Variants in CYLD observed in about 807,000 individuals in gnomAD.
The protein encoded by CYLD is ubiquitin carboxyl-terminal hydrolase CYLD.
In CYLD, 26 loss-of-function variants were observed where a neutral mutation model predicts 104.5. That is an observed-to-expected ratio of 0.25 (90% CI 0.18 to 0.35). CYLD has a LOEUF of 0.35. CYLD is among the 10% of genes least tolerant of loss of function. CYLD has a pLI of 1.00. For synonymous variants in CYLD, 385 were observed against 399.9 expected (o/e 0.96, Z 0.45); for missense variants, 703 against 1,136.1 (o/e 0.62, Z 5.48).
Position 50,796,918 on chromosome 16 carries a change from C to T in CYLD, c.*410C>T, listed in dbSNP as rs556456455. 20 of 309,706 alleles carry T rather than the reference C, an allele frequency of 6.5e-5. No homozygotes were observed. In the South Asian group the frequency reaches 6.6e-4, roughly 10 times the overall value. The allele number at this position is 309,706 out of a possible 1,614,324, so 19.2% of individuals were successfully genotyped here. ...GAAATCATTTTTCTTTTGTAGCTAA[C>T]GGTTGCCTTGAGGAAGAAATAATTT... is the stretch of plus-strand genomic sequence containing the variant. On this transcript the variant is annotated 3_prime_UTR_variant, in exon 19 of 19. Coordinates refer to ENST00000427738, the MANE Select transcript of CYLD (RefSeq NM_001378743.1).
chr16:50,749,274 C>T (rs1966440082), intron 2 of CYLD, among the ~76,000 whole-genome samples: 1 of 152,112 alleles, frequency 6.6e-6, no homozygotes, highest in Non-Finnish European at 1.5e-5. Flanking sequence ...AAAGTTTTTA[C>T]TAGAATCTGA....
chr16:50,754,204 A>G (rs1325559634), intron 4 of CYLD, 115 bp from the exon 5 acceptor site: 2 of 746,444 alleles, frequency 2.7e-6, no homozygotes, highest in Non-Finnish European at 4.7e-6. Context: ...CTTTTAGGTA[A>G]AATTGTTAAC....
At position 50,791,703 on chromosome 16, in the gene CYLD, C is replaced by A; in HGVS notation, c.2241+13C>A. 1 of 1,612,640 alleles carries A rather than the reference C, an allele frequency of 6.2e-7. No homozygotes were observed. Among genetic ancestry groups the A allele is most frequent in the Non-Finnish European group, 8.5e-7 (1 of 1,178,852 alleles). On this transcript the variant is annotated intron_variant, in intron 15 of 18. Transcript: ENST00000427738. ...GAAATTTGCAGAGGTTAGTGATACT[C>A]ACCTGTGGTATTTTATGTGAAAGTC...
chr16:50,784,428 A>G lies in CYLD; in HGVS notation c.1926A>G (p.Thr642=). The change falls in exon 12 of 19, where the codon ACA becomes ACG. Residue 642 remains threonine, a synonymous_variant. Transcript: ENST00000427738. The stretch of plus-strand genomic sequence containing the variant: ...GTGAAACCCAAGAGCTACTGAGGAC[A>G]GAAATTGTTAATCCTCTGAGAATGT... ...YYSETQELLR[T]EIVNPLRIYG... 6.2e-7 allele frequency: 1 copy of G among 1,613,348 alleles called. No individual in the cohort carries two copies. Among genetic ancestry groups the G allele is most frequent in the South Asian group, 1.1e-5 (1 of 91,080 alleles).
chr16:50,776,248 C>T lies in CYLD; in HGVS notation c.992C>T (p.Ser331Leu), dbSNP rs1231850997. 1.2e-6 allele frequency: 2 copies of T among 1,613,254 alleles called. No individual in the cohort carries two copies. The highest frequency in any genetic ancestry group is 1.1e-5 in the South Asian group (1 of 91,070). The stretch of plus-strand genomic sequence containing the variant: ...TCAAGAGGTGTTGGGGACAAAGGTT[C>T]ATCCAGTCATAATAAACCAAAGGCT... Reference protein sequence around the residue: ...FMSRGVGDKGSSSHNKPKATG... With the variant: ...FMSRGVGDKGLSSHNKPKATG... The change falls in exon 7 of 19, where the codon TCA (serine) becomes TTA (leucine). Residue 331 changes from serine (S) to leucine (L), a missense_variant. By Grantham distance (145) the Ser-to-Leu change is moderately radical (BLOSUM62 -2). This residue lies in a region of CYLD where 183 missense variants were observed against 212.1 expected (regional missense o/e 0.86). Coordinates refer to ENST00000427738, the MANE Select transcript of CYLD (RefSeq NM_001378743.1).
intron 5 of CYLD, among the ~76,000 whole-genome samples, chr16:50,758,616 T>C (rs1967545557): frequency 6.6e-6 from 1 of 151,862 alleles, no homozygotes; most frequent in Admixed American, 6.6e-5. Flanking sequence ...ATGAAGAGGA[T>C]GGTAAGTGAA....
At chr16:50,792,817 CAGTATCTGA>C in intron 16 of CYLD, 112 bp downstream of exon 16, 1 of 653,990 alleles carries the variant, frequency 1.5e-6, no homozygotes, top group Non-Finnish European at 2.8e-6. Context: ...CAAGGCAATT[CAGTATCTGA>C]AGAGCCTGGA....
chr16:50,751,756 T>C lies in CYLD; in HGVS notation c.657T>C (p.Pro219=), dbSNP rs546025551. Residue 219 remains proline (P), a synonymous_variant, in exon 4 of 19, where the codon CCT becomes CCC. Coordinates refer to ENST00000427738, the MANE Select transcript of CYLD (RefSeq NM_001378743.1). ...CATTGGAAAGTGATTACGCAGGTCC[T>C]GGGGACACAATGCAGGTCGAACTTC... ...DTALESDYAG[P]GDTMQVELPP... is the part of the protein sequence containing the mutation. 1 of 1,613,808 alleles carries C rather than the reference T, an allele frequency of 6.2e-7. No individual in the cohort carries two copies. Among genetic ancestry groups the C allele is most frequent in the Admixed American group, 1.7e-5 (1 of 59,972 alleles).
chr16:50,771,478 G>A (rs1476131285), intron 5 of CYLD, among the ~76,000 whole-genome samples: 2 of 152,156 alleles, frequency 1.3e-5, no homozygotes, highest in African/African-American at 4.8e-5. Flanking sequence ...TCATATACAA[G>A]TTATTCTGTG....
intron 2 of CYLD, 158 bp from the exon 3 acceptor site, chr16:50,749,418 T>C (rs928479493): frequency 1.8e-6 from 1 of 548,216 alleles, no homozygotes; most frequent in Admixed American, 3.5e-5. Context: ...TTTAGCCCTT[T>C]TAGATATTTT....
chr16:50,796,395 C>G lies in CYLD; in HGVS notation c.2758C>G (p.Leu920Val). Residue 920 changes from leucine to valine, a missense_variant, in exon 19 of 19, where the codon CTG (leucine) becomes GTG (valine). By Grantham distance (32) the Leu-to-Val change is conservative. Transcript: ENST00000427738. The part of the protein sequence containing the change: ...PEVGEYLKMS[L>V]EDLHSLDSRR... The stretch of plus-strand genomic sequence containing the variant: ...AGTAGGAGAGTACTTGAAGATGTCT[C>G]TGGAAGACCTGCATTCCTTGGACTC... 1.9e-6 allele frequency: 3 copies of G among 1,614,140 alleles called. No homozygotes were observed. The highest frequency in any genetic ancestry group is 4.5e-5 in the East Asian group (2 of 44,880).
Position 50,791,547 on chromosome 16 carries a change from C to A in CYLD, c.2109-11C>A. The A allele has an allele frequency of 6.2e-7, 1 of 1,613,216 alleles. No homozygotes were observed. The highest frequency in any genetic ancestry group is 8.5e-7 in the Non-Finnish European group (1 of 1,179,486). On this transcript the variant is annotated splice_polypyrimidine_tract_variant and intron_variant, in intron 14 of 18. Coordinates refer to ENST00000427738, the MANE Select transcript of CYLD (RefSeq NM_001378743.1). ...TAGGTTGTATGTATTTTTTTCTCTG[C>A]GTGTTTTTAGATCAGCAGGTCAAAA...
chr16:50,745,362 G>GTTTTTTTTTTTTTTTT (rs535675323), intron 2 of CYLD, among the ~76,000 whole-genome samples: 1 of 78,750 alleles, frequency 1.3e-5, no homozygotes, highest in African/African-American at 5.4e-5. Flanking sequence ...TTTCCTCTTT[G>GTTTTTTTTTTTTTTTT]TTTTTTTTTT....
chr16:50,751,784 C>T lies in CYLD; in HGVS notation c.685C>T (p.Pro229Ser), dbSNP rs751380834. The T allele has an allele frequency of 8.1e-6, 13 of 1,613,508 alleles. No homozygotes were observed. The highest frequency in any genetic ancestry group is 3.3e-5 in the Admixed American group (2 of 59,932). ...PGDTMQVELPPLEINSRVSLK... is the reference protein window; with the variant it reads ...PGDTMQVELPSLEINSRVSLK... Reference sequence around the variant, plus strand: ...GGACACAATGCAGGTCGAACTTCCTCCTTTGGAAATAAACTCCAGAGTTTC... The same window carrying T: ...GGACACAATGCAGGTCGAACTTCCTTCTTTGGAAATAAACTCCAGAGTTTC... Residue 229 changes from proline to serine, a missense_variant, in exon 4 of 19, where the codon CCT becomes TCT. By Grantham distance (74) the Pro-to-Ser change is moderately conservative. This residue lies in a region of CYLD where 123 missense variants were observed against 213.3 expected (regional missense o/e 0.58). Transcript: ENST00000427738.
intron 5 of CYLD, among the ~76,000 whole-genome samples, chr16:50,755,251 G>A (rs1477821648): frequency 1.3e-5 from 2 of 149,664 alleles, no homozygotes; most frequent in Admixed American, 6.6e-5. Context: ...ACACATATGT[G>A]TACTACATTT....
chr16:50,751,464 C>A, intron 3 of CYLD, 140 bp from the exon 4 acceptor site: 1 of 605,908 alleles, frequency 1.7e-6, no homozygotes, highest in Non-Finnish European at 2.8e-6. Flanking sequence ...CCAACAGAAA[C>A]TGCTAATAAT....
At chr16:50,787,468 G>C in intron 13 of CYLD, 1 of 313,530 alleles carries the variant, frequency 3.2e-6, no homozygotes, top group Non-Finnish European at 6.0e-6. Context: ...GGAAAAAACA[G>C]AGCATACTTC....
chr16:50,781,780 AC>A (rs532726725), intron 10 of CYLD, among the ~76,000 whole-genome samples: 13 of 151,992 alleles, frequency 8.6e-5, no homozygotes, highest in African/African-American at 3.1e-4. Flanking sequence ...AGTGTATCTT[AC>A]AAAGAAATCA....
At chr16:50,788,936 C>T (rs1396982423) in intron 14 of CYLD, among the ~76,000 whole-genome samples, 8 of 152,016 alleles carry the variant, frequency 5.3e-5, no homozygotes, top group South Asian at 2.1e-4. Context: ...AGAAAGATTA[C>T]GTTCTGGGTA....
Sources: allele counts gnomAD v4.1 joint callset (sites outside exome capture counted in the v4.1 genomes callset), GRCh38; gene constraint gnomAD v4.1.1; regional missense constraint gnomAD v4.1.1; transcripts MANE v1.5; gene names NCBI Gene and HGNC (gene_info 2026-07-23, HGNC 2026-07-21).